The following DLG2 variants were observed in gnomAD, a reference collection of about 807,000 sequenced individuals.
DLG2 encodes the protein discs large MAGUK scaffold protein 2.
DLG2 carries 45 observed loss-of-function variants against 132.5 expected under a neutral mutation model. The observed-to-expected ratio is 0.34, with a 90% CI of 0.27 to 0.44. DLG2 has a LOEUF of 0.44. Ranked by LOEUF, DLG2 falls within the 20% of genes least tolerant of loss-of-function variation. The pLI, the probability that DLG2 is intolerant of heterozygous loss-of-function variation, is 1.00. For missense variants in DLG2, 1,045 were observed against 1,196.9 expected (o/e 0.87, Z 1.87); for synonymous variants, 424 against 419.6 (o/e 1.01, Z -0.13).
intron 18 of DLG2, among the ~76,000 whole-genome samples, chr11:83,725,913 G>A (rs941469253): frequency 2.6e-5 from 4 of 151,994 alleles, no homozygotes; most frequent in Non-Finnish European, 5.9e-5. Context: ...TTCCCAGCAC[G>A]GTCTACTGCT....
intron 7 of DLG2, among the ~76,000 whole-genome samples, chr11:84,444,830 G>A (rs1288804616): frequency 1.4e-5 from 2 of 147,814 alleles, no homozygotes; most frequent in East Asian, 2.0e-4. Context: ...TTGAGACAGA[G>A]TTTCACTCTT....
At chr11:85,098,625 C>T (rs2070319697) in intron 6 of DLG2, among the ~76,000 whole-genome samples, 1 of 152,156 alleles carries the variant, frequency 6.6e-6, no homozygotes, top group Non-Finnish European at 1.5e-5. Context: ...AACAAACTGA[C>T]TCTTTCAACA....
At chr11:85,015,946 G>A (rs1410677686) in intron 6 of DLG2, among the ~76,000 whole-genome samples, 1 of 151,956 alleles carries the variant, frequency 6.6e-6, no homozygotes, top group Admixed American at 6.6e-5. Flanking sequence ...TGAATTGGGA[G>A]CAGCACAAAA....
chr11:84,806,219 T>C (rs1056091360), intron 6 of DLG2, among the ~76,000 whole-genome samples: 1 of 152,084 alleles, frequency 6.6e-6, no homozygotes, highest in Non-Finnish European at 1.5e-5. Flanking sequence ...GTCATCAGGG[T>C]TCCAGAATGA....
intron 3 of DLG2, among the ~76,000 whole-genome samples, chr11:85,561,740 A>G (rs1040808646): frequency 6.6e-6 from 1 of 151,856 alleles, no homozygotes; most frequent in Non-Finnish European, 1.5e-5. Flanking sequence ...TCTAATCACA[A>G]ACTGGTACAG....
intron 11 of DLG2, among the ~76,000 whole-genome samples, chr11:84,012,862 C>G (rs1057292107): frequency 6.6e-6 from 1 of 152,086 alleles, no homozygotes; most frequent in African/African-American, 2.4e-5. Flanking sequence ...ATATGGTCAT[C>G]TAGCCTTTAC....
At chr11:83,883,683 T>G (rs1277767773) in intron 15 of DLG2, among the ~76,000 whole-genome samples, 1 of 152,190 alleles carries the variant, frequency 6.6e-6, no homozygotes, top group African/African-American at 2.4e-5. Flanking sequence ...AGCGGGCATA[T>G]TCCTGCCTTT....
intron 7 of DLG2, among the ~76,000 whole-genome samples, chr11:84,526,734 G>C (rs530817706): frequency 6.6e-6 from 1 of 150,782 alleles, no homozygotes; most frequent in African/African-American, 2.4e-5. Context: ...AGTATAAATA[G>C]GATTTGGTAC....
At chr11:85,190,793 T>G (rs1385790281) in intron 4 of DLG2, among the ~76,000 whole-genome samples, 2 of 152,056 alleles carry the variant, frequency 1.3e-5, no homozygotes, top group African/African-American at 4.8e-5. Flanking sequence ...GAAATTCAAA[T>G]CAAAACCACA....
chr11:84,654,214 G>C (rs937490616), intron 6 of DLG2, among the ~76,000 whole-genome samples: 3 of 152,256 alleles, frequency 2.0e-5, no homozygotes, highest in Non-Finnish European at 4.4e-5. Context: ...TTGAAGTGAA[G>C]ATTTTTGTGA....
At chr11:83,691,257 G>T (rs1042780663) in intron 18 of DLG2, among the ~76,000 whole-genome samples, 1 of 152,072 alleles carries the variant, frequency 6.6e-6, no homozygotes, top group African/African-American at 2.4e-5. Flanking sequence ...TTTCTCTTCT[G>T]GCCTCTTCTG....
chr11:85,254,962 G>A (rs943874731), intron 4 of DLG2, among the ~76,000 whole-genome samples: 1 of 148,404 alleles, frequency 6.7e-6, no homozygotes, highest in Non-Finnish European at 1.5e-5. Flanking sequence ...TCACGCCACT[G>A]CACTCCAGCC....
chr11:85,204,375 T>C (rs981690608), intron 4 of DLG2, among the ~76,000 whole-genome samples: 4 of 152,142 alleles, frequency 2.6e-5, no homozygotes, highest in Non-Finnish European at 5.9e-5. Flanking sequence ...TCAGTAGCAT[T>C]TCTATATGTT....
At chr11:84,340,921 G>A (rs1402017042) in intron 7 of DLG2, among the ~76,000 whole-genome samples, 1 of 152,156 alleles carries the variant, frequency 6.6e-6, no homozygotes, top group Non-Finnish European at 1.5e-5. Flanking sequence ...AGTGGGATCA[G>A]CATGATTGAA....
intron 18 of DLG2, among the ~76,000 whole-genome samples, chr11:83,742,187 A>C (rs778601706): frequency 1.8e-4 from 27 of 148,100 alleles, no homozygotes; most frequent in Non-Finnish European, 3.3e-4. Flanking sequence ...ATTTGCTAAG[A>C]GAGTAAATTT....
chr11:83,878,820 T>G (rs891421443), intron 15 of DLG2, among the ~76,000 whole-genome samples: 1 of 152,192 alleles, frequency 6.6e-6, no homozygotes, highest in African/African-American at 2.4e-5. Flanking sequence ...AGAAAACCTG[T>G]GGCACCAATT....
intron 11 of DLG2, among the ~76,000 whole-genome samples, chr11:84,054,726 C>G (rs889089356): frequency 2.6e-5 from 4 of 151,988 alleles, no homozygotes; most frequent in African/African-American, 9.7e-5. Flanking sequence ...TAGACCAAAT[C>G]AATACAGAGT....
chr11:85,444,700 G>A lies in DLG2; in HGVS notation c.40+153957C>T, dbSNP rs2091929956. 2.0e-5 allele frequency among the ~76,000 whole-genome samples: 3 copies of A among 152,344 alleles called. No individual in the cohort carries two copies. In the South Asian group the frequency reaches 6.2e-4, roughly 32 times the overall value. On this transcript the variant is annotated intron_variant, in intron 3 of 27. Coordinates refer to ENST00000376104, the MANE Select transcript of DLG2 (RefSeq NM_001142699.3). ...ATCTCTGGTCTATGTTCATGAGACA[G>A]CTGGTGGGAAGGAACACAGCAGCTA...
chr11:83,761,230 C>T (rs2093892707), intron 18 of DLG2, among the ~76,000 whole-genome samples: 1 of 152,160 alleles, frequency 6.6e-6, no homozygotes, highest in South Asian at 2.1e-4. Context: ...AGAATCTCTG[C>T]AGTTGGATAA....
Sources: gnomAD v4.1 joint callset for allele counts (sites outside exome capture counted in the v4.1 genomes callset) on GRCh38, gnomAD v4.1.1 for gene constraint, MANE v1.5 for transcripts, NCBI Gene and HGNC (gene_info 2026-07-23, HGNC 2026-07-21) for gene names.